The following SPOCK3 variants were observed in gnomAD, a reference collection of about 807,000 sequenced individuals.
SPOCK3 encodes the protein SPARC (osteonectin), cwcv and kazal like domains proteoglycan 3.
SPOCK3 carries 30 observed loss-of-function variants against 56.6 expected under a neutral mutation model. The observed-to-expected ratio is 0.53, with a 90% confidence interval of 0.40 to 0.72. The LOEUF (loss-of-function observed/expected upper bound fraction) is 0.72, where lower values mean the gene tolerates loss of function less well. Among genes scored for constraint, SPOCK3 ranks in the 30% least tolerant of loss-of-function variants. The pLI is 0.00. For synonymous variants in SPOCK3, 196 were observed against 183.3 expected, an observed-to-expected ratio of 1.07 and a Z score of -0.56; for missense variants, 527 against 530.0, an observed-to-expected ratio of 0.99 and a Z score of 0.06.
At position 166,941,530 on chromosome 4, in the gene SPOCK3, A is replaced by G. The variant is rs190325596; in HGVS notation, c.351-28787T>C. Among the ~76,000 whole-genome samples the G allele has an allele frequency of 3.7e-3, 566 of 152,270 alleles. 9 individuals carry two copies. The highest frequency in any genetic ancestry group is 2.1e-3 in the Non-Finnish European group (141 of 68,018). On this transcript the variant is annotated intron_variant, in intron 4 of 10. Transcript: ENST00000357545. Reference sequence around the variant, plus strand: ...AGTGTTGTCCTTTTAACATTTTAATATCTGTGGGTAGTTGGCCTCTAAGAT... The same window carrying G: ...AGTGTTGTCCTTTTAACATTTTAATGTCTGTGGGTAGTTGGCCTCTAAGAT...
intron 6 of SPOCK3, among the ~76,000 whole-genome samples, chr4:166,801,262 C>T (rs1408364350): frequency 6.6e-6 from 1 of 152,112 alleles, no homozygotes; most frequent in East Asian, 1.9e-4. Context: ...AATCATGTTA[C>T]TTTGTCCAAA....
intron 6 of SPOCK3, among the ~76,000 whole-genome samples, chr4:166,812,440 T>C (rs923634143): frequency 6.6e-6 from 1 of 151,902 alleles, no homozygotes; most frequent in African/African-American, 2.4e-5. Flanking sequence ...AAAGTAACTG[T>C]TCATTCACAT....
At chr4:166,934,717 T>C (rs1368076877) in intron 4 of SPOCK3, among the ~76,000 whole-genome samples, 1 of 152,160 alleles carries the variant, frequency 6.6e-6, no homozygotes, top group East Asian at 1.9e-4. Flanking sequence ...CTATGAGATC[T>C]GGTCTGATTA....
intron 7 of SPOCK3, among the ~76,000 whole-genome samples, chr4:166,780,799 G>T (rs576606669): frequency 1.3e-5 from 2 of 152,098 alleles, no homozygotes; most frequent in Non-Finnish European, 2.9e-5. Flanking sequence ...TACCAGAGCA[G>T]CAAATGTTGC....
intron 3 of SPOCK3, among the ~76,000 whole-genome samples, chr4:167,005,437 T>C (rs920405195): frequency 1.3e-5 from 2 of 151,824 alleles, no homozygotes; most frequent in Non-Finnish European, 2.9e-5. Context: ...ATGGTCTCGA[T>C]CCCCTGACCT....
intron 3 of SPOCK3, among the ~76,000 whole-genome samples, chr4:167,033,177 A>C (rs971555322): frequency 6.6e-6 from 1 of 151,868 alleles, no homozygotes; most frequent in Non-Finnish European, 1.5e-5. Flanking sequence ...AGTGCCGAGC[A>C]TTATTATATG....
chr4:167,134,022 C>CTTTT (rs34410893), intron 2 of SPOCK3, among the ~76,000 whole-genome samples: 90 of 80,544 alleles, frequency 1.1e-3, no homozygotes, highest in African/African-American at 1.5e-3. Flanking sequence ...ACACCTTTTT[C>CTTTT]TTTTTTTTTT....
chr4:167,160,087 G>A (rs1446536176), intron 2 of SPOCK3, among the ~76,000 whole-genome samples: 1 of 152,122 alleles, frequency 6.6e-6, no homozygotes. Flanking sequence ...ATTAGGAAAA[G>A]AGGAAGTCAA....
rs113398017 is a variant in SPOCK3 at position 167,116,899 on chromosome 4, TTGTGTG to T, written c.190-54368_190-54363del. On this transcript the variant is annotated intron_variant, in intron 2 of 10. Transcript: ENST00000357545. ...CTTTTGTATATATACATATATACTT[TTGTGTG>T]TGTGTGTGTATATATATATATATAT... 4.7e-5 allele frequency among the ~76,000 whole-genome samples: 6 copies of T among 127,150 alleles called. 1 individual carries two copies. In the Middle Eastern group the frequency reaches 0.015, roughly 328 times the overall value. 83.4% of individuals were successfully genotyped at this position (127,150 alleles called of 152,430 possible). A position where few individuals can be genotyped will look rare whatever the true frequency, so the allele number is the denominator to read the frequency against.
intron 6 of SPOCK3, among the ~76,000 whole-genome samples, chr4:166,842,062 T>C (rs1747441687): frequency 6.6e-6 from 1 of 152,128 alleles, no homozygotes; most frequent in South Asian, 2.1e-4. Context: ...GCGTCGGGAA[T>C]TGTTCATTCC....
chr4:166,940,379 C>T (rs1740908323), intron 4 of SPOCK3, among the ~76,000 whole-genome samples: 1 of 152,116 alleles, frequency 6.6e-6, no homozygotes, highest in African/African-American at 2.4e-5. Flanking sequence ...CCATTCTATA[C>T]AAACAGATGT....
intron 2 of SPOCK3, among the ~76,000 whole-genome samples, chr4:167,203,277 A>G (rs558191308): frequency 6.6e-6 from 1 of 152,140 alleles, no homozygotes; most frequent in African/African-American, 2.4e-5. Flanking sequence ...TCCATTTTGT[A>G]TAATAGCTTC....
At chr4:167,082,252 A>G (rs567408860) in intron 2 of SPOCK3, among the ~76,000 whole-genome samples, 1 of 152,232 alleles carries the variant, frequency 6.6e-6, no homozygotes, top group South Asian at 2.1e-4. Context: ...ATTATGTAGT[A>G]TAAGTTAGTC....
intron 5 of SPOCK3, among the ~76,000 whole-genome samples, chr4:166,893,593 A>G (rs549263695): frequency 9.7e-4 from 147 of 152,298 alleles, no homozygotes; most frequent in African/African-American, 3.3e-3. Flanking sequence ...AAAAAAATAT[A>G]GGGCTGAAAT....
intron 3 of SPOCK3, among the ~76,000 whole-genome samples, chr4:167,031,939 G>A (rs1752317286): frequency 6.6e-6 from 1 of 152,000 alleles, no homozygotes; most frequent in African/African-American, 2.4e-5. Flanking sequence ...TTTATTTGAA[G>A]TATCTAGAGT....
At chr4:167,137,921 T>C (rs1763251227) in intron 2 of SPOCK3, among the ~76,000 whole-genome samples, 1 of 151,918 alleles carries the variant, frequency 6.6e-6, no homozygotes, top group Admixed American at 6.6e-5. Context: ...AAGGTAATCC[T>C]TCTCTATTAG....
intron 2 of SPOCK3, among the ~76,000 whole-genome samples, chr4:167,097,539 T>A (rs1759268916): frequency 1.3e-5 from 2 of 151,716 alleles, no homozygotes; most frequent in Admixed American, 6.6e-5. Context: ...ACCTTACAAT[T>A]AATTTTTTTT....
Position 166,734,722 on chromosome 4 carries a change from G to T in SPOCK3, c.*199C>A. The T allele has an allele frequency of 2.0e-6, 1 of 494,234 alleles. No individual in the cohort carries two copies. The highest frequency in any genetic ancestry group is 3.3e-5 in the East Asian group (1 of 30,056). 30.6% of individuals were successfully genotyped at this position (494,234 alleles called of 1,614,324 possible). A position where few individuals can be genotyped will look rare whatever the true frequency, so the allele number is the denominator to read the frequency against. ...GCATATGTATTTTCTTTTTGTGTAA[G>T]GAATATAAAAACTCAAAGCAAATGA... On this transcript the variant is annotated 3_prime_UTR_variant, in exon 11 of 11. Coordinates refer to ENST00000357545, the MANE Select transcript of SPOCK3 (RefSeq NM_001040159.2).
At chr4:166,805,981 A>G (rs577205851) in intron 6 of SPOCK3, among the ~76,000 whole-genome samples, 17 of 152,238 alleles carry the variant, frequency 1.1e-4, no homozygotes, top group Admixed American at 8.5e-4. Context: ...GGAAAGCACA[A>G]GAAAACATTA....
Sources: allele counts gnomAD v4.1 joint callset (sites outside exome capture counted in the v4.1 genomes callset), GRCh38; gene constraint gnomAD v4.1.1; transcripts MANE v1.5; gene names NCBI Gene and HGNC (gene_info 2026-07-23, HGNC 2026-07-21).